The following IMPDH2 variants were observed in gnomAD, a reference collection of about 807,000 sequenced individuals.
The protein encoded by IMPDH2 is inosine monophosphate dehydrogenase 2.
In IMPDH2, 33 loss-of-function variants were observed where a neutral mutation model predicts 57.8. The observed-to-expected ratio is 0.57, with a 90% confidence interval of 0.43 to 0.76. The LOEUF (loss-of-function observed/expected upper bound fraction) is 0.76. IMPDH2 is among the 30% of genes least tolerant of loss of function. The probability of loss-of-function intolerance (pLI) is 0.00; values close to 1 mark genes in which losing one functional copy is unlikely to be tolerated. For synonymous variants in IMPDH2, 270 were observed against 241.3 expected (o/e 1.12, Z -1.10); for missense variants, 446 against 659.1 (o/e 0.68, Z 3.54).
At chr3:49,028,398 C>T (rs1450168060) in intron 3 of IMPDH2, 33 bp downstream of exon 3, 3 of 1,606,072 alleles carry the variant, frequency 1.9e-6, no homozygotes, top group South Asian at 2.2e-5. Context: ...CGATGGAGTC[C>T]TTGCTCCTTC....
rs554810586 is a variant in IMPDH2 at position 49,026,413 on chromosome 3, G to C, written c.917C>G (p.Thr306Ser). Residue 306 changes from threonine to serine, a missense_variant, in exon 9 of 14, where the codon ACT (threonine) becomes AGT (serine). Transcript: ENST00000326739. ...NLQVIGGNVV[T>S]AAQAKNLIDA... ...AATGAGGTTCTTGGCCTGGGCAGCA[G>C]TGACCACTATGGTGAAGGAAAGGAA... 6.2e-7 allele frequency: 1 copy of C among 1,613,666 alleles called. No individual in the cohort carries two copies. The highest frequency in any genetic ancestry group is 8.5e-7 in the Non-Finnish European group (1 of 1,179,750).
chr3:49,025,044 C>T lies in IMPDH2; in HGVS notation c.1151-4G>A, dbSNP rs375585645. 322 of 1,614,080 alleles carry T rather than the reference C, an allele frequency of 2.0e-4. No individual in the cohort carries two copies. Among genetic ancestry groups the T allele is most frequent in the Non-Finnish European group, 2.6e-4 (303 of 1,180,040 alleles). On this transcript the variant is annotated splice_polypyrimidine_tract_variant and splice_region_variant and intron_variant, in intron 10 of 13. Transcript: ENST00000326739. ...GCCAGGAGAGAGCCCATCATGACTGCGGACAGATGGAGTGCTTGGGTTAGA... is the reference window on the plus strand; with the variant it reads ...GCCAGGAGAGAGCCCATCATGACTGTGGACAGATGGAGTGCTTGGGTTAGA...
rs746520404 is a variant in IMPDH2 at position 49,029,370 on chromosome 3, C to G, written c.-20G>C. The G allele has an allele frequency of 3.3e-6, 5 of 1,528,188 alleles. No individual in the cohort carries two copies. Among genetic ancestry groups the G allele is most frequent in the Non-Finnish European group, 4.5e-6 (5 of 1,119,094 alleles). 94.7% of individuals were successfully genotyped at this position (1,528,188 alleles called of 1,614,324 possible). On this transcript the variant is annotated 5_prime_UTR_variant, in exon 1 of 14. Transcript: ENST00000326739. ...GGCCATGGCCAACACAGGACACCGC[C>G]GCGTGTCTCCGAGGACCGCGCCGCA... is the stretch of plus-strand genomic sequence containing the variant.
chr3:49,029,394 CAG>C lies in IMPDH2; in HGVS notation c.-46_-45del, dbSNP rs749009848. ...CCGCGTGTCTCCGAGGACCGCGCCGCAGAGACCTCTGCCGTCTGGGCCGCGCC... is the reference window on the plus strand; with the variant it reads ...CCGCGTGTCTCCGAGGACCGCGCCGCAGACCTCTGCCGTCTGGGCCGCGCC... On this transcript the variant is annotated 5_prime_UTR_variant, in exon 1 of 14. Transcript: ENST00000326739. 9.0e-6 allele frequency: 12 copies of C among 1,340,780 alleles called. No homozygotes were observed. Among genetic ancestry groups the C allele is most frequent in the African/African-American group, 2.9e-5 (2 of 69,406 alleles). The allele number at this position is 1,340,780 out of a possible 1,614,324, so 83.1% of individuals were successfully genotyped here.
rs375467654 is a variant in IMPDH2, at chr3:49,026,440, A to G, written c.911-21T>C. 1.7e-5 allele frequency: 28 copies of G among 1,610,602 alleles called. No individual in the cohort carries two copies. In the African/African-American group the frequency reaches 3.5e-4, roughly 20 times the overall value. On this transcript the variant is annotated intron_variant, in intron 8 of 13. Coordinates refer to ENST00000326739, the MANE Select transcript of IMPDH2 (RefSeq NM_000884.3). ...GACCACTATGGTGAAGGAAAGGAAA[A>G]TGCTCATGTGAAGGTTAAGGTGGGA...
At chr3:49,027,167 T>G (rs1207550214) in intron 5 of IMPDH2, 120 bp from the exon 6 acceptor site, 1 of 792,814 alleles carries the variant, frequency 1.3e-6, no homozygotes, top group African/African-American at 1.7e-5. Flanking sequence ...ACTAATTTTT[T>G]GTATTTTTAG....
rs1401611469 is a variant in IMPDH2 at position 49,024,398 on chromosome 3, C to T, written c.1530G>A (p.Glu510=). The T allele has an allele frequency of 1.9e-6, 3 of 1,613,966 alleles. No homozygotes were observed. The highest frequency in any genetic ancestry group is 1.1e-5 in the South Asian group (1 of 91,086). ...EGGVHSLHSY[E]KRLF is the part of the protein sequence containing the mutation. ...GGATCCCTTTTCAGAAAAGCCGCTT[C>T]TCATACCTGCAGGCAGAAGGACCAC... The change falls in exon 14 of 14, where the codon GAG becomes GAA. Residue 510 remains glutamate, a synonymous_variant. Coordinates refer to ENST00000326739, the MANE Select transcript of IMPDH2 (RefSeq NM_000884.3).
At chr3:49,028,227 A>G in intron 4 of IMPDH2, 21 bp downstream of exon 4, 1 of 1,604,186 alleles carries the variant, frequency 6.2e-7, no homozygotes, top group Non-Finnish European at 8.5e-7. Flanking sequence ...AGCGCTTGCT[A>G]ATGATCGTTG....
intron 9 of IMPDH2, 148 bp downstream of exon 9, chr3:49,026,176 C>T (rs978581359): frequency 2.3e-5 from 16 of 698,784 alleles, no homozygotes; most frequent in Middle Eastern, 2.6e-4. Context: ...TGTCTTGCTT[C>T]CAGCCATGTC....
At chr3:49,025,495 G>A (rs1223428255) in intron 9 of IMPDH2, 4 of 558,970 alleles carry the variant, frequency 7.2e-6, no homozygotes, top group African/African-American at 5.7e-5. Flanking sequence ...CATGTGTGCA[G>A]TGCCCAGGGC....
In IMPDH2 at chr3:49,029,375, G is replaced by A. The variant is rs183659617; in HGVS notation, c.-25C>T. On this transcript the variant is annotated 5_prime_UTR_variant, in exon 1 of 14. Coordinates refer to ENST00000326739, the MANE Select transcript of IMPDH2 (RefSeq NM_000884.3). ...TGGCCAACACAGGACACCGCCGCGTGTCTCCGAGGACCGCGCCGCAGAGAC... is the reference window on the plus strand; with the variant it reads ...TGGCCAACACAGGACACCGCCGCGTATCTCCGAGGACCGCGCCGCAGAGAC... 3.1e-5 allele frequency: 47 copies of A among 1,502,402 alleles called. No individual in the cohort carries two copies. In the Admixed American group the frequency reaches 4.9e-4, roughly 16 times the overall value. 93.1% of individuals were successfully genotyped at this position (1,502,402 alleles called of 1,614,324 possible).
chr3:49,028,967 G>A (rs1318609600), intron 1 of IMPDH2, 161 bp from the exon 2 acceptor site: 2 of 690,238 alleles, frequency 2.9e-6, no homozygotes, highest in Non-Finnish European at 2.6e-6. Context: ...TGGGTACAGG[G>A]GACCTTTTCT....
At position 49,024,537 on chromosome 3, in the gene IMPDH2, G is replaced by A. The variant is rs757423578; in HGVS notation, c.1481C>T (p.Thr494Met). 1.9e-6 allele frequency: 3 copies of A among 1,614,174 alleles called. No individual in the cohort carries two copies. The highest frequency in any genetic ancestry group is 2.2e-5 in the South Asian group (2 of 91,086). ...YSGELKFEKR[T>M]SSAQVEGGVH... ...GCCACCTTCCACCTGGGCTGAGGACGTTCTCTTCTCAAACTTAAGCTCCCC... is the reference window on the plus strand; with the variant it reads ...GCCACCTTCCACCTGGGCTGAGGACATTCTCTTCTCAAACTTAAGCTCCCC... The change falls in exon 13 of 14, where the codon ACG becomes ATG. Residue 494 changes from threonine to methionine, a missense_variant. Thr to Met is a moderately conservative substitution (Grantham distance 81). Transcript: ENST00000326739.
At position 49,024,808 on chromosome 3, in the gene IMPDH2, G is replaced by C. The variant is rs770551324; in HGVS notation, c.1296-6C>G. On this transcript the variant is annotated splice_region_variant and splice_polypyrimidine_tract_variant and intron_variant, in intron 11 of 13. Coordinates refer to ENST00000326739, the MANE Select transcript of IMPDH2 (RefSeq NM_000884.3). The stretch of plus-strand genomic sequence containing the variant: ...CTTTGATTTTGTCAGCTTCACTGCA[G>C]GGAGAGGCAGAGACACGGGCAAGGT... The C allele has an allele frequency of 6.2e-7, 1 of 1,614,204 alleles. No individual in the cohort carries two copies. Among genetic ancestry groups the C allele is most frequent in the Admixed American group, 1.7e-5 (1 of 60,020 alleles).
rs375310032 is a variant in IMPDH2, at chr3:49,025,112, G to T, written c.1150+14C>A. ...GAGGGGGTCCCACTGGCCTTCACGGGTACTGGGCCTCACCTGTGGAGGCCC... is the reference window on the plus strand; with the variant it reads ...GAGGGGGTCCCACTGGCCTTCACGGTTACTGGGCCTCACCTGTGGAGGCCC... On this transcript the variant is annotated intron_variant, in intron 10 of 13. Coordinates refer to ENST00000326739, the MANE Select transcript of IMPDH2 (RefSeq NM_000884.3). The T allele has an allele frequency of 6.2e-7, 1 of 1,614,074 alleles. No homozygotes were observed. The highest frequency in any genetic ancestry group is 1.3e-5 in the African/African-American group (1 of 74,944).
Position 49,028,820 on chromosome 3 carries a change from G to T in IMPDH2, c.99-14C>A. 1 of 1,611,006 alleles carries T rather than the reference G, an allele frequency of 6.2e-7. No homozygotes were observed. Among genetic ancestry groups the T allele is most frequent in the Non-Finnish European group, 8.5e-7 (1 of 1,177,186 alleles). On this transcript the variant is annotated splice_polypyrimidine_tract_variant and intron_variant, in intron 1 of 13. Transcript: ENST00000326739. ...ATGAGAAAGTCACTGCGAGGGAAGGGAGTGAATTGGGAGTAAAGCTCTCAG... is the reference window on the plus strand; with the variant it reads ...ATGAGAAAGTCACTGCGAGGGAAGGTAGTGAATTGGGAGTAAAGCTCTCAG...
rs2093202412 is a variant in IMPDH2 at position 49,026,991 on chromosome 3, C to T, written c.588G>A (p.Glu196=). ...VVAPAGITLK[E]ANEILQRSKK... The stretch of plus-strand genomic sequence containing the variant: ...TGCTGCGCTGCAGAATTTCATTTGC[C>T]TCCTTCAGTGTGATGCCTGCAGGGG... The change falls in exon 6 of 14, where the codon GAG becomes GAA. Residue 196 remains glutamate, a synonymous_variant. Coordinates refer to ENST00000326739, the MANE Select transcript of IMPDH2 (RefSeq NM_000884.3). The T allele has an allele frequency of 2.2e-5, 36 of 1,614,034 alleles. 1 individual carries two copies. The highest frequency in any genetic ancestry group is 3.0e-5 in the Non-Finnish European group (35 of 1,180,014).
In IMPDH2 at chr3:49,024,561, C is replaced by T; in HGVS notation, c.1457G>A (p.Gly486Glu). The change falls in exon 13 of 14, where the codon GGG becomes GAG. Residue 486 changes from glycine (G) to glutamate (E), a missense_variant. Transcript: ENST00000326739. ...LTQVRAMMYS[G>E]ELKFEKRTSS... ...CGTTCTCTTCTCAAACTTAAGCTCC[C>T]CAGAGTACATCATGGCTCTGAAGAA... 6.2e-7 allele frequency: 1 copy of T among 1,614,166 alleles called. No individual in the cohort carries two copies. Among genetic ancestry groups the T allele is most frequent in the Non-Finnish European group, 8.5e-7 (1 of 1,180,028 alleles).
chr3:49,027,637 C>A, intron 5 of IMPDH2, 73 bp downstream of exon 5: 1 of 1,285,758 alleles, frequency 7.8e-7, no homozygotes, highest in Non-Finnish European at 1.1e-6. Context: ...TCAGAGATGT[C>A]TTAGACAACA....
Sources: gnomAD v4.1 joint callset for allele counts on GRCh38, gnomAD v4.1.1 for gene constraint, MANE v1.5 for transcripts, NCBI Gene and HGNC (gene_info 2026-07-23, HGNC 2026-07-21) for gene names.